The following TAF1L variants were observed in gnomAD, a reference collection of about 807,000 sequenced individuals.
The protein encoded by TAF1L is transcription initiation factor TFIID subunit 1-like.
A neutral mutation model predicts 128.8 loss-of-function variants in TAF1L; 30 were observed. The ratio of observed to expected loss-of-function variants is 0.23; its 90% CI spans 0.17 to 0.32. TAF1L has a LOEUF of 0.32. Among genes scored for constraint, TAF1L ranks in the 10% least tolerant of loss-of-function variants. The pLI is 1.00. For missense variants in TAF1L, 2,099 were observed against 2,253.7 expected, an observed-to-expected ratio of 0.93 and a Z score of 1.39; for synonymous variants, 764 against 790.7, an observed-to-expected ratio of 0.97 and a Z score of 0.57.
In TAF1L at chr9:32,634,299, C is replaced by T; in HGVS notation, c.1281G>A (p.Leu427=). 1 of 1,614,228 alleles carries T rather than the reference C, an allele frequency of 6.2e-7. No individual in the cohort carries two copies. The highest frequency in any genetic ancestry group is 1.3e-5 in the African/African-American group (1 of 75,060). Residue 427 remains leucine (L), a synonymous_variant, in exon 1 of 1, where the codon CTG becomes CTA. Transcript: ENST00000242310. ...ADENFLMVTQ[L]HWEDSIIWDG... The stretch of plus-strand genomic sequence containing the variant: ...CCCAGATGATAGAATCCTCCCAATG[C>T]AGCTGTGTCACCATCAGGAAGTTTT...
rs1284314192 is a variant in TAF1L, at chr9:32,634,724, G to C, written c.856C>G (p.Arg286Gly). Residue 286 changes from arginine (R) to glycine (G), a missense_variant, in exon 1 of 1, where the codon CGT (arginine) becomes GGT (glycine). Around this residue, in one of 4 missense-constraint regions of TAF1L, gnomAD observed 473 missense variants for 429.6 expected, o/e 1.10. Coordinates refer to ENST00000242310, the MANE Select transcript of TAF1L (RefSeq NM_153809.2). ...ATCTGCTCTTCCTGTATCAGCTCAC[G>C]ATGCTTCTTCCTCTTTCTCCGAGCA... ...RSARRKRKKH[R>G]ELIQEEQIQE... The C allele has an allele frequency of 2.5e-6, 4 of 1,614,140 alleles. No homozygotes were observed. The East Asian group carries it at 6.7e-5, about 27-fold the overall frequency.
Position 32,635,627 on chromosome 9 carries a change from C to CTGT in TAF1L, c.-49_-48insACA. The CTGT allele has an allele frequency of 1.3e-6, 2 of 1,565,842 alleles. No homozygotes were observed. The highest frequency in any genetic ancestry group is 1.8e-5 in the Admixed American group (1 of 55,570). ...CGCCCGGAAGTGATCTACTTAGCTC[C>CTGT]CTTACCCTACCAGCGTCTACCGGAA... On this transcript the variant is annotated 5_prime_UTR_variant, in exon 1 of 1. Transcript: ENST00000242310.
chr9:32,630,018 C>G lies in TAF1L; in HGVS notation c.*81G>C. 6.3e-7 allele frequency: 1 copy of G among 1,588,714 alleles called. No homozygotes were observed. Among genetic ancestry groups the G allele is most frequent in the South Asian group, 1.2e-5 (1 of 84,606 alleles). ...GTTCAACTTGGGATCAGGCTCCTCA[C>G]AGCTCCCATAACTGATGTTGCTATC... is the stretch of plus-strand genomic sequence containing the variant. On this transcript the variant is annotated 3_prime_UTR_variant, in exon 1 of 1. Transcript: ENST00000242310.
rs754848062 is a variant in TAF1L, at chr9:32,630,347, C to A, written c.5233G>T (p.Ala1745Ser). Reference protein sequence around the residue: ...PAPEGGDGDLADEEEGTVQQP... With the variant: ...PAPEGGDGDLSDEEEGTVQQP... ...TGTACAGTTCCTTCCTCTTCATCTG[C>A]AAGATCACCATCTCCCCCTTCTGGG... The change falls in exon 1 of 1, where the codon GCA (alanine) becomes TCA (serine). Residue 1745 changes from alanine (A) to serine (S), a missense_variant. Coordinates refer to ENST00000242310, the MANE Select transcript of TAF1L (RefSeq NM_153809.2). The A allele has an allele frequency of 1.2e-6, 2 of 1,614,208 alleles. No individual in the cohort carries two copies. Among genetic ancestry groups the A allele is most frequent in the South Asian group, 2.2e-5 (2 of 91,090 alleles).
chr9:32,634,116 G>A lies in TAF1L; in HGVS notation c.1464C>T (p.Pro488=), dbSNP rs1230542330. The stretch of plus-strand genomic sequence containing the variant: ...CATACACCAGATCCTCATTGTCAAT[G>A]GGAAAAATGGAGTACCAAGGTTTGT... The part of the protein sequence containing the change: ...DDDKPWYSIF[P]IDNEDLVYGR... The change falls in exon 1 of 1, where the codon CCC becomes CCT. Residue 488 remains proline, a synonymous_variant. Coordinates refer to ENST00000242310, the MANE Select transcript of TAF1L (RefSeq NM_153809.2). 8.7e-6 allele frequency: 14 copies of A among 1,614,038 alleles called. No individual in the cohort carries two copies. The African/African-American group carries it at 1.6e-4, about 18-fold the overall frequency.
Position 32,635,025 on chromosome 9 carries a change from G to T in TAF1L, c.555C>A (p.Ile185=), listed in dbSNP as rs1231453335. 1 of 1,614,022 alleles carries T rather than the reference G, an allele frequency of 6.2e-7. No individual in the cohort carries two copies. The highest frequency in any genetic ancestry group is 1.3e-5 in the African/African-American group (1 of 74,900). ...TCVSESGEDI[I]LPSIIAPSFL... ...AGGAAGGGGCAATGATGGAGGGCAA[G>T]ATGATGTCTTCTCCACTTTCAGACA... Residue 185 remains isoleucine, a synonymous_variant, in exon 1 of 1, where the codon ATC becomes ATA. Transcript: ENST00000242310.
Position 32,634,796 on chromosome 9 carries a change from G to C in TAF1L, c.784C>G (p.Leu262Val), listed in dbSNP as rs1190580321. ...TTCTTCCCTGGTCCAAAAAGATGTA[G>C]GAAGCGTAACACTTTTCCAGGTCGA... is the stretch of plus-strand genomic sequence containing the variant. ...EFRPGKVLRFLHLFGPGKNVP... is the reference protein window; with the variant it reads ...EFRPGKVLRFVHLFGPGKNVP... Residue 262 changes from leucine to valine, a missense_variant, in exon 1 of 1, where the codon CTA becomes GTA. Physicochemically the swap from Leu to Val is conservative, Grantham distance 32. Around this residue, in one of 4 missense-constraint regions of TAF1L, gnomAD observed 473 missense variants for 429.6 expected, o/e 1.10. Coordinates refer to ENST00000242310, the MANE Select transcript of TAF1L (RefSeq NM_153809.2). 3.1e-6 allele frequency: 5 copies of C among 1,614,082 alleles called. No individual in the cohort carries two copies. The highest frequency in any genetic ancestry group is 4.2e-6 in the Non-Finnish European group (5 of 1,180,048).
rs1427306878 is a variant in TAF1L, at chr9:32,632,060, T to G, written c.3520A>C (p.Ser1174Arg). ...HRDDVTASMT[S>R]LKSSATGHCL... ...TGTCCAGTGGCAGAAGACTTAAGGC[T>G]AGTCATGGAAGCTGTGACATCATCT... is the stretch of plus-strand genomic sequence containing the variant. Residue 1174 changes from serine to arginine, a missense_variant, in exon 1 of 1, where the codon AGC becomes CGC. Ser to Arg is a moderately radical substitution (Grantham distance 110). Around this residue, in one of 4 missense-constraint regions of TAF1L, gnomAD observed 1,213 missense variants for 1,391.4 expected, o/e 0.87. Transcript: ENST00000242310. This position sits in a 1 kb window ranked among gnomAD's most constrained non-coding sequence, Gnocchi z 4.4. 6.2e-7 allele frequency: 1 copy of G among 1,614,050 alleles called. No individual in the cohort carries two copies. Among genetic ancestry groups the G allele is most frequent in the Non-Finnish European group, 8.5e-7 (1 of 1,180,042 alleles).
At position 32,635,299 on chromosome 9, in the gene TAF1L, A is replaced by T; in HGVS notation, c.281T>A (p.Val94Glu). The stretch of plus-strand genomic sequence containing the variant: ...ACTCCTAATCCACCCTTCATCATTT[A>T]CCAAGGCACCGCCAGTCCCAGTCAA... ...EELTGTGGALVNDEGWIRSTE... is the reference protein window; with the variant it reads ...EELTGTGGALENDEGWIRSTE... The change falls in exon 1 of 1, where the codon GTA (valine) becomes GAA (glutamate). Residue 94 changes from valine (V) to glutamate (E), a missense_variant. By Grantham distance (121) the Val-to-Glu change is moderately radical (BLOSUM62 -2). Around this residue, in one of 4 missense-constraint regions of TAF1L, gnomAD observed 473 missense variants for 429.6 expected, o/e 1.10. Transcript: ENST00000242310. The T allele has an allele frequency of 6.2e-7, 1 of 1,614,140 alleles. No homozygotes were observed. Among genetic ancestry groups the T allele is most frequent in the Non-Finnish European group, 8.5e-7 (1 of 1,180,020 alleles).
Position 32,632,448 on chromosome 9 carries a change from C to T in TAF1L, c.3132G>A (p.Val1044=), listed in dbSNP as rs1822529842. Residue 1044 remains valine (V), a synonymous_variant, in exon 1 of 1, where the codon GTG becomes GTA. Coordinates refer to ENST00000242310, the MANE Select transcript of TAF1L (RefSeq NM_153809.2). This position sits in a 1 kb window ranked among gnomAD's most constrained non-coding sequence, Gnocchi z 4.4. The stretch of plus-strand genomic sequence containing the variant: ...TTGACATTGTGCGCACCACATCAAT[C>T]ACTTCCCAGCGGGACAACTTTTTAA... The part of the protein sequence containing the change: ...EEIKKLSRWE[V]IDVVRTMSTE... 1 of 1,614,130 alleles carries T rather than the reference C, an allele frequency of 6.2e-7. No homozygotes were observed. Among genetic ancestry groups the T allele is most frequent in the African/African-American group, 1.3e-5 (1 of 74,936 alleles).
chr9:32,633,381 T>C lies in TAF1L; in HGVS notation c.2199A>G (p.Ala733=), dbSNP rs750628835. ...YKRKPGKDPG[A]PDCKYGETVY... Reference sequence around the variant, plus strand: ...CAGTTTCCCCATATTTACAATCTGGTGCTCCAGGATCTTTGCCAGGTTTCC... The same window carrying C: ...CAGTTTCCCCATATTTACAATCTGGCGCTCCAGGATCTTTGCCAGGTTTCC... Residue 733 remains alanine, a synonymous_variant, in exon 1 of 1, where the codon GCA becomes GCG. Transcript: ENST00000242310. 1.8e-5 allele frequency: 29 copies of C among 1,614,124 alleles called. No homozygotes were observed. In the Admixed American group the frequency reaches 3.7e-4, roughly 20 times the overall value.
In TAF1L at chr9:32,634,972, C is replaced by T. The variant is rs765803889; in HGVS notation, c.608G>A (p.Ser203Asn). 9.3e-6 allele frequency: 15 copies of T among 1,614,016 alleles called. No homozygotes were observed. The highest frequency in any genetic ancestry group is 1.3e-5 in the Non-Finnish European group (15 of 1,180,034). ...SFLASEKVDFSSYSDSESEMG... is the reference protein window; with the variant it reads ...SFLASEKVDFNSYSDSESEMG... ...CTCAGATTCTGAATCAGAGTAACTA[C>T]TGAAATCCACTTTCTCTGAGGCCAA... Residue 203 changes from serine (S) to asparagine (N), a missense_variant, in exon 1 of 1, where the codon AGT becomes AAT. Ser to Asn is a conservative substitution (Grantham distance 46). Around this residue, in one of 4 missense-constraint regions of TAF1L, gnomAD observed 473 missense variants for 429.6 expected, o/e 1.10. Transcript: ENST00000242310.
rs544099741 is a variant in TAF1L at position 32,629,844 on chromosome 9, A to G, written c.*255T>C. On this transcript the variant is annotated 3_prime_UTR_variant, in exon 1 of 1. Coordinates refer to ENST00000242310, the MANE Select transcript of TAF1L (RefSeq NM_153809.2). The stretch of plus-strand genomic sequence containing the variant: ...TGGCTAATTTTTGTATTTTTAGTAG[A>G]GATGAAGTTTCGACATGTTGGCCAA... 2 of 642,578 alleles carry G rather than the reference A, an allele frequency of 3.1e-6. No homozygotes were observed. Among genetic ancestry groups the G allele is most frequent in the East Asian group, 5.7e-5 (2 of 35,118 alleles). The allele number at this position is 642,578 out of a possible 1,614,324, so 39.8% of individuals were successfully genotyped here.
At position 32,631,832 on chromosome 9, in the gene TAF1L, G is replaced by T. The variant is rs2119085107; in HGVS notation, c.3748C>A (p.Leu1250Met). Residue 1250 changes from leucine (L) to methionine (M), a missense_variant, in exon 1 of 1, where the codon CTG (leucine) becomes ATG (methionine). Coordinates refer to ENST00000242310, the MANE Select transcript of TAF1L (RefSeq NM_153809.2). This position sits in a 1 kb window ranked among gnomAD's most constrained non-coding sequence, Gnocchi z 4.1. ...TCCTGGTTCCGCTTAAGCCGCCTCA[G>T]TTGCTCTTGAATCCTCCGCCGTTCT... ...RKERRRIQEQ[L>M]RRLKRNQEKE... The T allele has an allele frequency of 6.2e-7, 1 of 1,614,162 alleles. No homozygotes were observed.
Position 32,632,673 on chromosome 9 carries a change from C to A in TAF1L, c.2907G>T (p.Val969=). The A allele has an allele frequency of 1.2e-6, 2 of 1,614,214 alleles. No homozygotes were observed. Among genetic ancestry groups the A allele is most frequent in the Non-Finnish European group, 8.5e-7 (1 of 1,180,046 alleles). The part of the protein sequence containing the change: ...AAMKGKCLLE[V]TGVADPTGCG... ...ACCCTGTGGGATCTGCCACCCCAGT[C>A]ACCTCTAGGAGACACTTGCCCTTCA... Residue 969 remains valine, a synonymous_variant, in exon 1 of 1, where the codon GTG becomes GTT. Transcript: ENST00000242310. The surrounding 1 kb of genome is among the most constrained non-coding windows in gnomAD (Gnocchi z 4.4).
chr9:32,630,885 A>G lies in TAF1L; in HGVS notation c.4695T>C (p.Asn1565=), dbSNP rs748135144. The change falls in exon 1 of 1, where the codon AAT becomes AAC. Residue 1565 remains asparagine (N), a synonymous_variant. Coordinates refer to ENST00000242310, the MANE Select transcript of TAF1L (RefSeq NM_153809.2). ...TACGTATGGTCTCTAAATCCACTGG[A>G]TTGACAATCATTTTGTAATAATCTG... ...FVPDYYKMIV[N]PVDLETIRKN... 2 of 1,614,064 alleles carry G rather than the reference A, an allele frequency of 1.2e-6. No individual in the cohort carries two copies. The highest frequency in any genetic ancestry group is 2.7e-5 in the African/African-American group (2 of 74,926).
rs1290008163 is a variant in TAF1L at position 32,635,184 on chromosome 9, G to T, written c.396C>A (p.Pro132=). ...RHQQTMGSLQ[P]LYHSDYDEDD... Reference sequence around the variant, plus strand: ...CTTCATCATAATCCGAGTGGTAAAGGGGCTGCAAGCTCCCCATCGTCTGCT... The same window carrying T: ...CTTCATCATAATCCGAGTGGTAAAGTGGCTGCAAGCTCCCCATCGTCTGCT... The change falls in exon 1 of 1, where the codon CCC becomes CCA. Residue 132 remains proline, a synonymous_variant. Transcript: ENST00000242310. 3 of 1,614,042 alleles carry T rather than the reference G, an allele frequency of 1.9e-6. No homozygotes were observed. The East Asian group carries it at 6.7e-5, about 36-fold the overall frequency.
Position 32,630,021 on chromosome 9 carries a change from C to T in TAF1L, c.*78G>A. 2 of 1,590,002 alleles carry T rather than the reference C, an allele frequency of 1.3e-6. No homozygotes were observed. Among genetic ancestry groups the T allele is most frequent in the Middle Eastern group, 3.4e-4 (2 of 5,926 alleles). On this transcript the variant is annotated 3_prime_UTR_variant, in exon 1 of 1. Coordinates refer to ENST00000242310, the MANE Select transcript of TAF1L (RefSeq NM_153809.2). Reference sequence around the variant, plus strand: ...CAACTTGGGATCAGGCTCCTCACAGCTCCCATAACTGATGTTGCTATCCTC... The same window carrying T: ...CAACTTGGGATCAGGCTCCTCACAGTTCCCATAACTGATGTTGCTATCCTC...
chr9:32,630,754 G>C lies in TAF1L; in HGVS notation c.4826C>G (p.Thr1609Ser), dbSNP rs771730127. ...GTTCACAATCTCCTGAGCAGTCTTA[G>C]TGTACTGACTCTCAGGTCCATTATA... The part of the protein sequence containing the change: ...VKYNGPESQY[T>S]KTAQEIVNIC... Residue 1609 changes from threonine (T) to serine (S), a missense_variant, in exon 1 of 1, where the codon ACT becomes AGT. This residue lies in a region of TAF1L where 404 missense variants were observed against 406.5 expected (regional missense o/e 0.99). Transcript: ENST00000242310. 6.2e-7 allele frequency: 1 copy of C among 1,614,196 alleles called. No individual in the cohort carries two copies. The highest frequency in any genetic ancestry group is 2.2e-5 in the East Asian group (1 of 44,888).
Sources: gnomAD v4.1 joint callset for allele counts on GRCh38, gnomAD v4.1.1 for gene constraint, gnomAD v4.1.1 regional missense constraint, Gnocchi (gnomAD v3.1) non-coding constraint, MANE v1.5 for transcripts, NCBI Gene and HGNC (gene_info 2026-07-23, HGNC 2026-07-21) for gene names.